Variants in KCNK9 observed in about 807,000 individuals in gnomAD.
The protein encoded by KCNK9 is potassium channel subfamily K member 9.
A neutral mutation model predicts 10.8 loss-of-function variants in KCNK9; 1 was observed. That is an observed-to-expected ratio of 0.09 (90% CI 0.03 to 0.44). KCNK9 has a LOEUF of 0.44. Among genes scored for constraint, KCNK9 ranks in the 20% least tolerant of loss-of-function variants. The pLI is 0.97. For missense variants in KCNK9, 303 were observed against 515.0 expected (o/e 0.59, Z 3.98); for synonymous variants, 231 against 222.7 (o/e 1.04, Z -0.33).
chr8:139,695,192 G>C (rs1280606660), intron 1 of KCNK9, among the ~76,000 whole-genome samples: 1 of 152,242 alleles, frequency 6.6e-6, no homozygotes, highest in East Asian at 1.9e-4. Flanking sequence ...CAAAATGGAA[G>C]TACATGTGCT....
At chr8:139,653,809 G>A (rs528900590) in intron 1 of KCNK9, among the ~76,000 whole-genome samples, 10 of 152,322 alleles carry the variant, frequency 6.6e-5, no homozygotes, top group South Asian at 2.1e-4. Context: ...AGGCCCACGC[G>A]GAGCTCACTC....
chr8:139,613,196 C>T (rs1484479194), downstream of KCNK9, among the ~76,000 whole-genome samples: 1 of 152,174 alleles, frequency 6.6e-6, no homozygotes, highest in Admixed American at 6.5e-5. Flanking sequence ...ATTGTCCAAA[C>T]ATCTGAGTGA....
Position 139,687,426 on chromosome 8 carries a change from A to G in KCNK9, c.283+15284T>C, listed in dbSNP as rs1202046446. The stretch of plus-strand genomic sequence containing the variant: ...CATATATATTCATATATGTGTATAC[A>G]TATATATTCATATATATGTATACAC... On this transcript the variant is annotated intron_variant, in intron 1 of 1. Coordinates refer to ENST00000520439, the MANE Select transcript of KCNK9 (RefSeq NM_001282534.2). 5.7e-5 allele frequency among the ~76,000 whole-genome samples: 8 copies of G among 141,238 alleles called. 1 individual carries two copies. Among genetic ancestry groups the G allele is most frequent in the African/African-American group, 2.2e-4 (8 of 36,126 alleles). The allele number at this position is 141,238 out of a possible 152,430, so 92.7% of individuals were successfully genotyped here.
intron 1 of KCNK9, among the ~76,000 whole-genome samples, chr8:139,654,228 C>G (rs1226931538): frequency 6.6e-6 from 1 of 152,270 alleles, no homozygotes; most frequent in Non-Finnish European, 1.5e-5. Flanking sequence ...CTCTGGGGAG[C>G]ATTTTTAATA....
At chr8:139,698,362 G>A (rs1008655747) in intron 1 of KCNK9, among the ~76,000 whole-genome samples, 7 of 152,178 alleles carry the variant, frequency 4.6e-5, no homozygotes, top group Admixed American at 6.5e-5. Context: ...GCAGGTGCAC[G>A]GGAAAACACA....
At chr8:139,654,493 C>T in intron 1 of KCNK9, among the ~76,000 whole-genome samples, 1 of 152,250 alleles carries the variant, frequency 6.6e-6, no homozygotes, top group Non-Finnish European at 1.5e-5. Context: ...CTCTGGCTTC[C>T]TGGATGATCC....
At chr8:139,685,417 C>T (rs1046585129) in intron 1 of KCNK9, among the ~76,000 whole-genome samples, 7 of 152,076 alleles carry the variant, frequency 4.6e-5, no homozygotes, top group South Asian at 2.1e-4. Context: ...TTTCTCCTAA[C>T]GCTATCTCTC....
At position 139,641,522 on chromosome 8, in the gene KCNK9, A is replaced by G. The variant is rs114672334; in HGVS notation, c.284-22423T>C. The stretch of plus-strand genomic sequence containing the variant: ...CTGTTTTGGAGGTGGAACAGGGTGG[A>G]CAGCGTCGATGACCGGAGCCTGCTG... On this transcript the variant is annotated intron_variant, in intron 1 of 1. Coordinates refer to ENST00000520439, the MANE Select transcript of KCNK9 (RefSeq NM_001282534.2). 9.2e-3 allele frequency among the ~76,000 whole-genome samples: 1,397 copies of G among 152,260 alleles called. 16 individuals carry two copies. The highest frequency in any genetic ancestry group is 0.032 in the African/African-American group (1,320 of 41,550).
chr8:139,683,952 G>A (rs1366409941), intron 1 of KCNK9, among the ~76,000 whole-genome samples: 1 of 152,218 alleles, frequency 6.6e-6, no homozygotes, highest in Non-Finnish European at 1.5e-5. Flanking sequence ...AATCTCAACT[G>A]GCATAACCCT....
chr8:139,666,390 G>C (rs2129721326), intron 1 of KCNK9, among the ~76,000 whole-genome samples: 1 of 152,338 alleles, frequency 6.6e-6, no homozygotes, highest in Non-Finnish European at 1.5e-5. Flanking sequence ...TCTATTAAGT[G>C]CTAATATAAA....
intron 1 of KCNK9, among the ~76,000 whole-genome samples, chr8:139,651,555 C>T (rs1815864750): frequency 6.6e-6 from 1 of 152,162 alleles, no homozygotes; most frequent in Non-Finnish European, 1.5e-5. Context: ...TAAGTAGGAA[C>T]CCCCTGCAAC....
chr8:139,663,036 G>A (rs1242188711), intron 1 of KCNK9, among the ~76,000 whole-genome samples: 1 of 152,078 alleles, frequency 6.6e-6, no homozygotes, highest in African/African-American at 2.4e-5. Flanking sequence ...AAGTGCCCCA[G>A]TGCTGTTCTA....
chr8:139,636,532 A>G (rs1193111159), intron 1 of KCNK9, among the ~76,000 whole-genome samples: 1 of 152,204 alleles, frequency 6.6e-6, no homozygotes, highest in Non-Finnish European at 1.5e-5. Flanking sequence ...TGCTGACCCA[A>G]TGCTAAAAGT....
intron 1 of KCNK9, among the ~76,000 whole-genome samples, chr8:139,692,121 G>C (rs192471203): frequency 6.6e-6 from 1 of 152,204 alleles, no homozygotes; most frequent in Admixed American, 6.5e-5. Context: ...GCCAAGCTAA[G>C]ATGACTGAGC....
downstream of KCNK9, among the ~76,000 whole-genome samples, chr8:139,609,252 C>CT (rs1361627367): frequency 2.7e-5 from 3 of 112,936 alleles, no homozygotes; most frequent in African/African-American, 9.5e-5. Context: ...CCCCACCCCC[C>CT]CCCCACCTAC....
intron 1 of KCNK9, among the ~76,000 whole-genome samples, chr8:139,645,726 A>T (rs967950470): frequency 1.3e-5 from 2 of 152,074 alleles, no homozygotes; most frequent in East Asian, 3.9e-4. Context: ...AGGCACCTGG[A>T]GCCAATTAGC....
In KCNK9 at chr8:139,617,753, G is replaced by A. The variant is rs1270244764; in HGVS notation, c.*505C>T. 6.6e-6 allele frequency among the ~76,000 whole-genome samples: 1 copy of A among 152,108 alleles called. No homozygotes were observed. On this transcript the variant is annotated 3_prime_UTR_variant, in exon 2 of 2. Coordinates refer to ENST00000520439, the MANE Select transcript of KCNK9 (RefSeq NM_001282534.2). Reference sequence around the variant, plus strand: ...TACCTAATACTTCCCGTTTTGTCACGACACACGTGCACACAGAAGCACACA... The same window carrying A: ...TACCTAATACTTCCCGTTTTGTCACAACACACGTGCACACAGAAGCACACA...
Position 139,687,469 on chromosome 8 carries a change from CAT to C in KCNK9, c.283+15239_283+15240del, listed in dbSNP as rs1816825978. Among the ~76,000 whole-genome samples the C allele has an allele frequency of 1.1e-4, 4 of 37,360 alleles. 2 individuals are homozygous for C. In the South Asian group the frequency reaches 3.8e-3, roughly 36 times the overall value. 24.5% of individuals were successfully genotyped at this position (37,360 alleles called of 152,430 possible). Reference sequence around the variant, plus strand: ...GTATACACATATATATTCATATATTCATATATATGTATACATATATACACATA... The same window carrying C: ...GTATACACATATATATTCATATATTCATATATGTATACATATATACACATA... On this transcript the variant is annotated intron_variant, in intron 1 of 1. Coordinates refer to ENST00000520439, the MANE Select transcript of KCNK9 (RefSeq NM_001282534.2).
intron 1 of KCNK9, among the ~76,000 whole-genome samples, chr8:139,697,413 G>A (rs961771793): frequency 2.0e-5 from 3 of 151,394 alleles, no homozygotes; most frequent in African/African-American, 7.3e-5. Context: ...GAGGATGGAT[G>A]GGGATAGACA....
Sources: allele counts gnomAD v4.1 joint callset (sites outside exome capture counted in the v4.1 genomes callset), GRCh38; gene constraint gnomAD v4.1.1; transcripts MANE v1.5; gene names NCBI Gene and HGNC (gene_info 2026-07-23, HGNC 2026-07-21).